The following GPR107 variants were observed in gnomAD, a reference collection of about 807,000 sequenced individuals.
GPR107 encodes the protein protein GPR107.
A neutral mutation model predicts 75.5 loss-of-function variants in GPR107; 31 were observed. That is an observed-to-expected ratio of 0.41 (90% CI 0.31 to 0.55). The LOEUF (loss-of-function observed/expected upper bound fraction) is 0.55, where lower values mean the gene tolerates loss of function less well. GPR107 is among the 20% of genes least tolerant of loss of function. The pLI, the probability that GPR107 is intolerant of heterozygous loss-of-function variation, is 0.26. For missense variants in GPR107, 572 were observed against 665.7 expected, an observed-to-expected ratio of 0.86 and a Z score of 1.55; for synonymous variants, 267 against 251.3, an observed-to-expected ratio of 1.06 and a Z score of -0.59.
At position 130,079,789 on chromosome 9, in the gene GPR107, C is replaced by A. The variant is rs1346931754; in HGVS notation, c.526+20C>A. ...CACAAGGTAAACCGTAAGGTGGAAA[C>A]TGGCTTTCAGTTTTCACTACCTGCT... On this transcript the variant is annotated intron_variant, in intron 5 of 17. Transcript: ENST00000347136. 5.8e-6 allele frequency: 9 copies of A among 1,552,592 alleles called. No individual in the cohort carries two copies. The highest frequency in any genetic ancestry group is 7.8e-6 in the Non-Finnish European group (9 of 1,147,182).
chr9:130,115,782 A>T (rs957930349), intron 14 of GPR107, among the ~76,000 whole-genome samples: 2 of 150,804 alleles, frequency 1.3e-5, no homozygotes, highest in East Asian at 2.0e-4. Flanking sequence ...AAAAAAAAAA[A>T]AAATTAGCCA....
chr9:130,067,568 C>T (rs747136063), intron 1 of GPR107, among the ~76,000 whole-genome samples: 8 of 152,048 alleles, frequency 5.3e-5, no homozygotes, highest in African/African-American at 7.2e-5. Context: ...CTGTGTAGTT[C>T]TTCTCTCACT....
chr9:130,108,590 G>A (rs904079595), intron 14 of GPR107, among the ~76,000 whole-genome samples: 5 of 152,210 alleles, frequency 3.3e-5, no homozygotes, highest in South Asian at 2.1e-4. Flanking sequence ...CCAGGTTCAC[G>A]TAACTCTTGC....
At chr9:130,071,630 AC>A (rs1830214403) in intron 1 of GPR107, among the ~76,000 whole-genome samples, 2 of 151,876 alleles carry the variant, frequency 1.3e-5, no homozygotes, top group Admixed American at 6.6e-5. Context: ...GACTCTGAAA[AC>A]TGGGAGTTGT....
intron 14 of GPR107, chr9:130,114,424 G>GGCC: frequency 6.1e-6 from 1 of 165,164 alleles, no homozygotes; most frequent in Non-Finnish European, 1.3e-5. Flanking sequence ...CCTGTGTCAC[G>GGCC]CAGGCTGGAG....
intron 6 of GPR107, among the ~76,000 whole-genome samples, chr9:130,085,875 G>A (rs186626710): frequency 8.0e-5 from 12 of 149,788 alleles, no homozygotes; most frequent in East Asian, 6.0e-4. Flanking sequence ...CTCAGCCTCC[G>A]GAGTAGCTGG....
intron 4 of GPR107, among the ~76,000 whole-genome samples, chr9:130,078,382 TA>T (rs1012560595): frequency 2.5e-4 from 37 of 149,126 alleles, no homozygotes; most frequent in South Asian, 8.5e-4. Context: ...AATAAGCTTC[TA>T]AAAAAAAAAT....
intron 17 of GPR107, among the ~76,000 whole-genome samples, chr9:130,131,007 C>T (rs1212214215): frequency 6.6e-6 from 1 of 151,922 alleles, no homozygotes; most frequent in East Asian, 1.9e-4. Context: ...AGACTTGGGG[C>T]TTTGCAAGGA....
chr9:130,057,501 T>TAA (rs5900883), intron 1 of GPR107, among the ~76,000 whole-genome samples: 1,839 of 134,886 alleles, frequency 0.014, 14 homozygotes, highest in African/African-American at 0.017. Context: ...CCCTATTTCT[T>TAA]AAAAAAAAAA....
intron 1 of GPR107, among the ~76,000 whole-genome samples, chr9:130,059,733 C>CTTTTT (rs61429853): frequency 2.8e-5 from 4 of 144,516 alleles, no homozygotes; most frequent in African/African-American, 1.0e-4. Context: ...GTTAATACGT[C>CTTTTT]TTTTTTTTTT....
rs796086682 is a variant in GPR107, at chr9:130,072,763, G to GA, written c.142-2863dup. On this transcript the variant is annotated intron_variant, in intron 1 of 17. Transcript: ENST00000347136. ...CAGGTTGCAATCGAAACATTTTCTG[G>GA]AAAAAAAAAACAAAACAACAAGAAA... Among the ~76,000 whole-genome samples the GA allele has an allele frequency of 2.0e-3, 292 of 146,352 alleles. 2 individuals carry two copies. Among genetic ancestry groups the GA allele is most frequent in the Non-Finnish European group, 2.9e-3 (189 of 66,278 alleles).
intron 9 of GPR107, among the ~76,000 whole-genome samples, chr9:130,095,344 G>A (rs1022269576): frequency 6.6e-6 from 1 of 152,098 alleles, no homozygotes; most frequent in Non-Finnish European, 1.5e-5. Context: ...AGTTATTGGT[G>A]GCAATAGTCA....
At chr9:130,088,700 C>G (rs1830668458) in intron 7 of GPR107, among the ~76,000 whole-genome samples, 1 of 152,132 alleles carries the variant, frequency 6.6e-6, no homozygotes, top group African/African-American at 2.4e-5. Flanking sequence ...AGAAACTGTG[C>G]TCAGAGAGGT....
At chr9:130,124,883 G>A (rs368519936) in intron 14 of GPR107, 32 bp from the exon 15 acceptor site, 20 of 1,416,658 alleles carry the variant, frequency 1.4e-5, no homozygotes, top group South Asian at 3.8e-5. Context: ...AGAAGTTAAC[G>A]AGCTCTTCAT....
At chr9:130,090,732 C>A in intron 7 of GPR107, 144 bp from the exon 8 acceptor site, 7 of 447,880 alleles carry the variant, frequency 1.6e-5, no homozygotes, top group Non-Finnish European at 1.6e-5. Flanking sequence ...CATTAATATT[C>A]ATAACTTATT....
rs1051096360 is a variant in GPR107, at chr9:130,112,347, G to T, written c.1306+4808G>T. Reference sequence around the variant, plus strand: ...CAGCGGTTCTCAAGGGGGTCCTCGGGATCAAAACTATTTTCATAATCATAC... The same window carrying T: ...CAGCGGTTCTCAAGGGGGTCCTCGGTATCAAAACTATTTTCATAATCATAC... On this transcript the variant is annotated intron_variant, in intron 14 of 17. Transcript: ENST00000347136. This position sits in a 1 kb window ranked among gnomAD's most constrained non-coding sequence, Gnocchi z 4.0. Among the ~76,000 whole-genome samples, 17 of 152,210 alleles carry T rather than the reference G, an allele frequency of 1.1e-4. No individual in the cohort carries two copies. The highest frequency in any genetic ancestry group is 8.5e-4 in the Admixed American group (13 of 15,270).
At chr9:130,061,257 A>G (rs1488165512) in intron 1 of GPR107, among the ~76,000 whole-genome samples, 1 of 152,220 alleles carries the variant, frequency 6.6e-6, no homozygotes, top group East Asian at 1.9e-4. Flanking sequence ...TGCACAAGTA[A>G]TTTAAAAATG....
intron 14 of GPR107, among the ~76,000 whole-genome samples, chr9:130,111,457 A>G (rs1219735144): frequency 6.6e-6 from 1 of 152,128 alleles, no homozygotes; most frequent in Non-Finnish European, 1.5e-5. Context: ...ACTTGAGCCC[A>G]GGAGATCAAG....
Position 130,112,089 on chromosome 9 carries a change from C to T in GPR107, c.1306+4550C>T. 6.6e-6 allele frequency among the ~76,000 whole-genome samples: 1 copy of T among 152,224 alleles called. No individual in the cohort carries two copies. Among genetic ancestry groups the T allele is most frequent in the South Asian group, 2.1e-4 (1 of 4,826 alleles). ...ACCTTATAGGACTGGCGTCGAGATA[C>T]ACACCGTAAATTTAATTAACAGTCT... On this transcript the variant is annotated intron_variant, in intron 14 of 17. Coordinates refer to ENST00000347136, the MANE Select transcript of GPR107 (RefSeq NM_020960.5). This position sits in a 1 kb window ranked among gnomAD's most constrained non-coding sequence, Gnocchi z 4.0.
Sources: gnomAD v4.1 joint callset for allele counts (sites outside exome capture counted in the v4.1 genomes callset) on GRCh38, gnomAD v4.1.1 for gene constraint, Gnocchi (gnomAD v3.1) non-coding constraint, MANE v1.5 for transcripts, NCBI Gene and HGNC (gene_info 2026-07-23, HGNC 2026-07-21) for gene names.